GALNT13: variants seen among roughly 807,000 people sequenced by gnomAD.
The protein encoded by GALNT13 is UDP-GalNAc:polypeptide N-acetylgalactosaminyltransferase 13.
In GALNT13, 28 loss-of-function variants were observed where a neutral mutation model predicts 64.2. The observed-to-expected ratio is 0.44, with a 90% CI of 0.32 to 0.60. The LOEUF (loss-of-function observed/expected upper bound fraction) is 0.60. GALNT13 is among the 20% of genes least tolerant of loss of function. The pLI is 0.05. For missense variants in GALNT13, 577 were observed against 669.8 expected (o/e 0.86, Z 1.53); for synonymous variants, 214 against 224.6 (o/e 0.95, Z 0.42).
intron 3 of GALNT13, among the ~76,000 whole-genome samples, chr2:154,040,851 A>G (rs1356005234): frequency 1.4e-5 from 2 of 140,338 alleles, no homozygotes; most frequent in African/African-American, 4.9e-5. Flanking sequence ...AAATATTAAT[A>G]TATTATTTTT....
intron 3 of GALNT13, among the ~76,000 whole-genome samples, chr2:154,033,516 A>G (rs1234718939): frequency 6.6e-6 from 1 of 152,176 alleles, no homozygotes; most frequent in Admixed American, 6.5e-5. Context: ...ATTAACAGGT[A>G]CTTCACCAAA....
At chr2:153,263,270 C>T in the GALNT13 span, among the ~76,000 whole-genome samples, 1 of 152,012 alleles carries the variant, frequency 6.6e-6, no homozygotes, top group African/African-American at 2.4e-5. Flanking sequence ...AGGAGAACTA[C>T]AAACCCTGCT....
the GALNT13 span, among the ~76,000 whole-genome samples, chr2:153,670,659 A>G: frequency 1.3e-5 from 2 of 152,224 alleles, no homozygotes; most frequent in Admixed American, 1.3e-4. Context: ...AAAGGAACAC[A>G]GCTCCTCACC....
chr2:154,244,091 C>T (rs10931986), intron 6 of GALNT13, among the ~76,000 whole-genome samples: 147,208 of 152,250 alleles, frequency 0.97, 71,366 homozygotes, highest in East Asian at 1. Flanking sequence ...AATTTTGGTA[C>T]ATTATGTTGT....
the GALNT13 span, among the ~76,000 whole-genome samples, chr2:153,356,336 TC>T: frequency 6.6e-6 from 1 of 152,318 alleles, no homozygotes; most frequent in South Asian, 2.1e-4. Flanking sequence ...CCCTACTTGT[TC>T]AGGTGGTTTG....
chr2:153,891,890 C>T (rs1300511263), intron 1 of GALNT13, among the ~76,000 whole-genome samples: 3 of 151,920 alleles, frequency 2.0e-5, no homozygotes, highest in Admixed American at 6.6e-5. Context: ...TTTCAGGATT[C>T]GCTGAATTGA....
At chr2:153,459,203 G>A in the GALNT13 span, among the ~76,000 whole-genome samples, 2 of 151,762 alleles carry the variant, frequency 1.3e-5, no homozygotes, top group African/African-American at 4.8e-5. Context: ...AGAAAAACAG[G>A]GAACATAACA....
chr2:153,216,444 A>G, the GALNT13 span, among the ~76,000 whole-genome samples: 1 of 152,030 alleles, frequency 6.6e-6, no homozygotes, highest in Non-Finnish European at 1.5e-5. Flanking sequence ...TGTGACTTCT[A>G]GTTGCTCTGC....
chr2:154,319,046 A>G (rs1047434609), intron 9 of GALNT13, among the ~76,000 whole-genome samples: 3 of 152,154 alleles, frequency 2.0e-5, no homozygotes, highest in Non-Finnish European at 2.9e-5. Context: ...TTTTCACCAC[A>G]GTTTTTGTTT....
At chr2:153,974,128 C>G (rs2105136342) in intron 3 of GALNT13, among the ~76,000 whole-genome samples, 1 of 152,178 alleles carries the variant, frequency 6.6e-6, no homozygotes, top group Non-Finnish European at 1.5e-5. Flanking sequence ...GCAGATAAAT[C>G]TTCCTGAAAC....
intron 9 of GALNT13, among the ~76,000 whole-genome samples, chr2:154,312,250 G>T (rs960059347): frequency 6.6e-6 from 1 of 151,836 alleles, no homozygotes; most frequent in Admixed American, 6.6e-5. Flanking sequence ...TAAAATCTTC[G>T]CAATCCACAT....
intron 9 of GALNT13, among the ~76,000 whole-genome samples, chr2:154,337,868 G>A (rs1695544034): frequency 6.6e-6 from 1 of 151,960 alleles, no homozygotes; most frequent in African/African-American, 2.4e-5. Context: ...TCGGTGGTTG[G>A]AGAGAAAGCT....
the GALNT13 span, among the ~76,000 whole-genome samples, chr2:153,160,955 T>C: frequency 1.3e-5 from 2 of 152,192 alleles, no homozygotes; most frequent in Non-Finnish European, 2.9e-5. Flanking sequence ...CTGCAGGCTC[T>C]TTAAGCCAGT....
At chr2:153,247,049 A>T in the GALNT13 span, among the ~76,000 whole-genome samples, 2 of 151,946 alleles carry the variant, frequency 1.3e-5, no homozygotes, top group African/African-American at 4.8e-5. Context: ...AAAATAAAAA[A>T]AGCATTACAT....
At chr2:153,594,955 A>G in the GALNT13 span, among the ~76,000 whole-genome samples, 183 of 152,256 alleles carry the variant, frequency 1.2e-3, 1 homozygote, top group Non-Finnish European at 1.7e-3. Flanking sequence ...GATCAAAATT[A>G]CAGTCTCAGG....
At chr2:154,188,445 G>A (rs1573839188) in intron 4 of GALNT13, among the ~76,000 whole-genome samples, 1 of 152,308 alleles carries the variant, frequency 6.6e-6, no homozygotes, top group Non-Finnish European at 1.5e-5. Flanking sequence ...GTTATAAGAT[G>A]TATCCATGCT....
At chr2:153,893,733 A>G (rs1165207932) in intron 1 of GALNT13, among the ~76,000 whole-genome samples, 1 of 152,086 alleles carries the variant, frequency 6.6e-6, no homozygotes, top group Non-Finnish European at 1.5e-5. Context: ...CATCATATGG[A>G]CAAGCCATAA....
chr2:154,113,605 T>G (rs183780831), intron 3 of GALNT13, among the ~76,000 whole-genome samples: 10 of 152,304 alleles, frequency 6.6e-5, no homozygotes, highest in African/African-American at 2.4e-4. Flanking sequence ...GAAATTCAGT[T>G]GGATTTATTT....
chr2:154,329,559 A>G (rs961313487), intron 9 of GALNT13, among the ~76,000 whole-genome samples: 1 of 152,168 alleles, frequency 6.6e-6, no homozygotes, highest in Non-Finnish European at 1.5e-5. Context: ...AACAGAAGAC[A>G]TGGTGAATTT....
Sources: allele counts gnomAD v4.1 joint callset (sites outside exome capture counted in the v4.1 genomes callset), GRCh38; gene constraint gnomAD v4.1.1; transcripts MANE v1.5; gene names NCBI Gene and HGNC (gene_info 2026-07-23, HGNC 2026-07-21).